The following KIRREL3 variants were observed in gnomAD, a reference collection of about 807,000 sequenced individuals.
KIRREL3 encodes the protein kin of IRRE-like protein 3.
A neutral mutation model predicts 89.7 loss-of-function variants in KIRREL3; 36 were observed. The ratio of observed to expected loss-of-function variants is 0.40; its 90% CI spans 0.31 to 0.53. The LOEUF is 0.53. Among genes scored for constraint, KIRREL3 ranks in the 20% least tolerant of loss-of-function variants. The pLI is 0.49. For synonymous variants in KIRREL3, 445 were observed against 441.4 expected (o/e 1.01, Z -0.10); for missense variants, 864 against 1,056.6 (o/e 0.82, Z 2.53).
At chr11:126,560,025 C>G (rs1939996361) in intron 2 of KIRREL3, among the ~76,000 whole-genome samples, 1 of 152,200 alleles carries the variant, frequency 6.6e-6, no homozygotes, top group East Asian at 1.9e-4. Context: ...ACAATTCTGG[C>G]ACTTGTAAGA....
chr11:126,857,320 A>C (rs569306887), intron 1 of KIRREL3, among the ~76,000 whole-genome samples: 37 of 152,186 alleles, frequency 2.4e-4, no homozygotes, highest in Admixed American at 7.2e-4. Flanking sequence ...CAGGTGCTTC[A>C]CCCTCCTGCC....
At chr11:126,826,772 A>G (rs1943431691) in intron 1 of KIRREL3, among the ~76,000 whole-genome samples, 1 of 152,220 alleles carries the variant, frequency 6.6e-6, no homozygotes, top group Non-Finnish European at 1.5e-5. Flanking sequence ...TGTAGCTGTG[A>G]GACAGGATTC....
chr11:126,496,859 C>G lies in KIRREL3; in HGVS notation c.434-23393G>C, dbSNP rs1429126219. On this transcript the variant is annotated intron_variant, in intron 4 of 16. Transcript: ENST00000525144. The surrounding 1 kb of genome is among the most constrained non-coding windows in gnomAD (Gnocchi z 4.9). ...GACTTCTCTCTGGGGCCTCTGGAAG[C>G]TGGGGCCAGTTCTCCAGTGCCTCAA... Among the ~76,000 whole-genome samples, 2 of 152,132 alleles carry G rather than the reference C, an allele frequency of 1.3e-5. No individual in the cohort carries two copies. Among genetic ancestry groups the G allele is most frequent in the Non-Finnish European group, 2.9e-5 (2 of 68,030 alleles).
chr11:126,869,283 G>T (rs537253564), intron 1 of KIRREL3, among the ~76,000 whole-genome samples: 2 of 151,952 alleles, frequency 1.3e-5, no homozygotes. Flanking sequence ...TTGCCCCTTG[G>T]TGGGGATGAT....
rs542555378 is a variant in KIRREL3, at chr11:126,569,854, T to C, written c.56-6942A>G. On this transcript the variant is annotated intron_variant, in intron 1 of 16. Coordinates refer to ENST00000525144, the MANE Select transcript of KIRREL3 (RefSeq NM_032531.4). The surrounding 1 kb of genome is among the most constrained non-coding windows in gnomAD (Gnocchi z 6.5). ...GTCTATCAATAGCCATCAGTAGCCA[T>C]TCTGCCCAGCGATGCCATTCTGATT... 1.3e-5 allele frequency among the ~76,000 whole-genome samples: 2 copies of C among 152,290 alleles called. No individual in the cohort carries two copies. Among genetic ancestry groups the C allele is most frequent in the South Asian group, 4.1e-4 (2 of 4,820 alleles).
At chr11:126,465,798 G>A (rs1299925919) in intron 5 of KIRREL3, among the ~76,000 whole-genome samples, 1 of 152,186 alleles carries the variant, frequency 6.6e-6, no homozygotes, top group African/African-American at 2.4e-5. Flanking sequence ...GCCCGGGCAG[G>A]GAGGGAGCAG....
chr11:126,540,457 C>T (rs1464152891), intron 2 of KIRREL3, among the ~76,000 whole-genome samples: 3 of 152,210 alleles, frequency 2.0e-5, no homozygotes. Flanking sequence ...ACAAAATCCA[C>T]CAAGGTTGTC....
chr11:126,722,751 T>C (rs1002152218), intron 1 of KIRREL3, among the ~76,000 whole-genome samples: 1 of 152,264 alleles, frequency 6.6e-6, no homozygotes, highest in Non-Finnish European at 1.5e-5. Context: ...AAGCTCCGTG[T>C]GGACAAGGAT....
rs1187627189 is a variant in KIRREL3, at chr11:126,923,129, CTCTTCT to C, written c.55+77320_55+77325del. On this transcript the variant is annotated intron_variant, in intron 1 of 16. Transcript: ENST00000525144. ...CCTTCTCCTTCTCCTTCTCCTTCTT[CTCTTCT>C]TCTTCTTCTTCTTCTTCTTCTTCTT... is the stretch of plus-strand genomic sequence containing the variant. Among the ~76,000 whole-genome samples the C allele has an allele frequency of 1.3e-3, 33 of 25,740 alleles. 4 individuals are homozygous for C. Among genetic ancestry groups the C allele is most frequent in the Admixed American group, 6.5e-3 (16 of 2,466 alleles). 16.9% of individuals were successfully genotyped at this position (25,740 alleles called of 152,430 possible).
chr11:126,724,142 C>G lies in KIRREL3; in HGVS notation c.56-161230G>C, dbSNP rs1003058502. ...GATCACCACCTACCCCAACTGTTCCCACTTGACTTAAGAGACAATGTGGGG... is the reference window on the plus strand; with the variant it reads ...GATCACCACCTACCCCAACTGTTCCGACTTGACTTAAGAGACAATGTGGGG... On this transcript the variant is annotated intron_variant, in intron 1 of 16. Transcript: ENST00000525144. This position sits in a 1 kb window ranked among gnomAD's most constrained non-coding sequence, Gnocchi z 4.3. Among the ~76,000 whole-genome samples the G allele has an allele frequency of 6.6e-6, 1 of 152,208 alleles. No homozygotes were observed. Among genetic ancestry groups the G allele is most frequent in the African/African-American group, 2.4e-5 (1 of 41,450 alleles).
chr11:126,899,180 T>C (rs1246277778), intron 1 of KIRREL3, among the ~76,000 whole-genome samples: 1 of 152,074 alleles, frequency 6.6e-6, no homozygotes, highest in Non-Finnish European at 1.5e-5. Context: ...TATATATATA[T>C]ATATGTTTCT....
At chr11:126,941,955 A>G (rs1000823634) in intron 1 of KIRREL3, among the ~76,000 whole-genome samples, 2 of 152,250 alleles carry the variant, frequency 1.3e-5, no homozygotes, top group African/African-American at 4.8e-5. Flanking sequence ...AGACAATGTG[A>G]CAATGAGTAT....
Position 126,909,278 on chromosome 11 carries a change from G to A in KIRREL3, c.55+91177C>T, listed in dbSNP as rs753285148. On this transcript the variant is annotated intron_variant, in intron 1 of 16. Coordinates refer to ENST00000525144, the MANE Select transcript of KIRREL3 (RefSeq NM_032531.4). The surrounding 1 kb of genome is among the most constrained non-coding windows in gnomAD (Gnocchi z 4.5). Reference sequence around the variant, plus strand: ...GCACTAAAACCCAGGCTCCGGCCTGGGACTCTTTACATTATAAGTGTGTGG... The same window carrying A: ...GCACTAAAACCCAGGCTCCGGCCTGAGACTCTTTACATTATAAGTGTGTGG... Among the ~76,000 whole-genome samples, 2 of 152,072 alleles carry A rather than the reference G, an allele frequency of 1.3e-5. No homozygotes were observed. Among genetic ancestry groups the A allele is most frequent in the Non-Finnish European group, 2.9e-5 (2 of 68,006 alleles).
intron 1 of KIRREL3, among the ~76,000 whole-genome samples, chr11:126,582,852 T>A (rs1253021671): frequency 6.6e-6 from 1 of 152,208 alleles, no homozygotes; most frequent in East Asian, 1.9e-4. Context: ...AATTATCTGA[T>A]GCACTGAAGA....
chr11:126,741,002 C>T (rs1031178510), intron 1 of KIRREL3, among the ~76,000 whole-genome samples: 4 of 152,118 alleles, frequency 2.6e-5, no homozygotes, highest in African/African-American at 9.7e-5. Flanking sequence ...GGAAAAGGTT[C>T]CACCACAAGG....
chr11:126,489,980 T>G lies in KIRREL3; in HGVS notation c.434-16514A>C, dbSNP rs1041301390. ...CTGGGCGTGTTAGTGCTGCATACGT[T>G]GGGGAAAATGAGACGTGTTGCTTGG... On this transcript the variant is annotated intron_variant, in intron 4 of 16. Coordinates refer to ENST00000525144, the MANE Select transcript of KIRREL3 (RefSeq NM_032531.4). This position sits in a 1 kb window ranked among gnomAD's most constrained non-coding sequence, Gnocchi z 5.5. 1.3e-5 allele frequency among the ~76,000 whole-genome samples: 2 copies of G among 152,002 alleles called. No individual in the cohort carries two copies. The highest frequency in any genetic ancestry group is 2.9e-5 in the Non-Finnish European group (2 of 68,010).
In KIRREL3 at chr11:126,987,236, C is replaced by T. The variant is rs1197599293; in HGVS notation, c.55+13219G>A. Reference sequence around the variant, plus strand: ...GGGGATACACTGACCCACAAAGATTCCTTTTCCATTGCAATTGTGAGTGAG... The same window carrying T: ...GGGGATACACTGACCCACAAAGATTTCTTTTCCATTGCAATTGTGAGTGAG... On this transcript the variant is annotated intron_variant, in intron 1 of 16. Transcript: ENST00000525144. This position sits in a 1 kb window ranked among gnomAD's most constrained non-coding sequence, Gnocchi z 4.6. Among the ~76,000 whole-genome samples the T allele has an allele frequency of 6.6e-6, 1 of 152,174 alleles. No homozygotes were observed. Among genetic ancestry groups the T allele is most frequent in the Non-Finnish European group, 1.5e-5 (1 of 68,036 alleles).
chr11:126,606,580 T>C lies in KIRREL3; in HGVS notation c.56-43668A>G, dbSNP rs1192258341. On this transcript the variant is annotated intron_variant, in intron 1 of 16. Coordinates refer to ENST00000525144, the MANE Select transcript of KIRREL3 (RefSeq NM_032531.4). This position sits in a 1 kb window ranked among gnomAD's most constrained non-coding sequence, Gnocchi z 4.6. ...GGTGGTCTCCAGACCACATCCCAGA[T>C]GACCTTACACACCCCAGGGGTTGAT... Among the ~76,000 whole-genome samples, 3 of 152,156 alleles carry C rather than the reference T, an allele frequency of 2.0e-5. No individual in the cohort carries two copies. The highest frequency in any genetic ancestry group is 7.2e-5 in the African/African-American group (3 of 41,442).
In KIRREL3 at chr11:126,943,688, G is replaced by A. The variant is rs1430231605; in HGVS notation, c.55+56767C>T. The stretch of plus-strand genomic sequence containing the variant: ...CCAGGGCCAGAATGACTGATGTGAG[G>A]GGTCAAGGGCAGGCTTTGCCTCCAG... On this transcript the variant is annotated intron_variant, in intron 1 of 16. Transcript: ENST00000525144. This position sits in a 1 kb window ranked among gnomAD's most constrained non-coding sequence, Gnocchi z 4.2. Among the ~76,000 whole-genome samples the A allele has an allele frequency of 5.3e-5, 8 of 152,188 alleles. No individual in the cohort carries two copies. The highest frequency in any genetic ancestry group is 1.9e-4 in the African/African-American group (8 of 41,444).
Sources: gnomAD v4.1 joint callset for allele counts (sites outside exome capture counted in the v4.1 genomes callset) on GRCh38, gnomAD v4.1.1 for gene constraint, Gnocchi (gnomAD v3.1) non-coding constraint, MANE v1.5 for transcripts, NCBI Gene and HGNC (gene_info 2026-07-23, HGNC 2026-07-21) for gene names.